The following SNX9 variants were observed in gnomAD, a reference collection of about 807,000 sequenced individuals.
SNX9 encodes sorting nexin 9.
SNX9 carries 44 observed loss-of-function variants against 89.4 expected under a neutral mutation model. The observed-to-expected ratio is 0.49, with a 90% confidence interval of 0.39 to 0.63. The LOEUF (loss-of-function observed/expected upper bound fraction) is 0.63. SNX9 is among the 30% of genes least tolerant of loss of function. SNX9 has a pLI of 0.00. For synonymous variants in SNX9, 236 were observed against 247.8 expected (o/e 0.95, Z 0.45); for missense variants, 578 against 736.1 (o/e 0.79, Z 2.49).
intron 9 of SNX9, among the ~76,000 whole-genome samples, chr6:157,917,405 G>A (rs1030623130): frequency 6.6e-6 from 1 of 151,720 alleles, no homozygotes; most frequent in African/African-American, 2.4e-5. Context: ...AGATATTTCC[G>A]CTATCACAGG....
chr6:157,921,071 G>C (rs1202789575), intron 9 of SNX9, among the ~76,000 whole-genome samples: 2 of 152,170 alleles, frequency 1.3e-5, no homozygotes, highest in East Asian at 3.8e-4. Context: ...TGATAATATG[G>C]AAATACCATG....
At chr6:157,915,640 A>AAAAAT (rs1472422303) in intron 9 of SNX9, among the ~76,000 whole-genome samples, 2 of 95,152 alleles carry the variant, frequency 2.1e-5, no homozygotes, top group African/African-American at 9.3e-5. Context: ...AAAAAAAAAA[A>AAAAAT]ATATATATAT....
intron 1 of SNX9, 98 bp from the exon 2 acceptor site, chr6:157,867,445 ATGTT>A: frequency 1.2e-6 from 1 of 864,336 alleles, no homozygotes; most frequent in South Asian, 1.9e-5. Context: ...AGCCACTATC[ATGTT>A]TGTACCAGCA....
chr6:157,844,245 G>C (rs1583195511), intron 1 of SNX9, among the ~76,000 whole-genome samples: 1 of 152,174 alleles, frequency 6.6e-6, no homozygotes, highest in African/African-American at 2.4e-5. Context: ...TTCATGCAGT[G>C]CAGGAGACCG....
At position 157,844,500 on chromosome 6, in the gene SNX9, T is replaced by C. The variant is rs374202176; in HGVS notation, c.12+21054T>C. On this transcript the variant is annotated intron_variant, in intron 1 of 17. Coordinates refer to ENST00000392185, the MANE Select transcript of SNX9 (RefSeq NM_016224.5). ...TGCAAAGTATCTCAAGCACTGATCT[T>C]AGGAGCAGTTTAGAGAGGATCAGAA... Among the ~76,000 whole-genome samples the C allele has an allele frequency of 7.3e-5, 11 of 151,628 alleles. 1 individual carries two copies. Among genetic ancestry groups the C allele is most frequent in the African/African-American group, 2.7e-4 (11 of 41,056 alleles).
chr6:157,917,581 A>G (rs921789302), intron 9 of SNX9, among the ~76,000 whole-genome samples: 3 of 152,122 alleles, frequency 2.0e-5, no homozygotes, highest in Admixed American at 6.6e-5. Context: ...CTCAGTATCT[A>G]TGGGAATTGG....
chr6:157,870,791 G>A (rs975330791), intron 2 of SNX9, among the ~76,000 whole-genome samples: 3 of 148,374 alleles, frequency 2.0e-5, no homozygotes, highest in African/African-American at 7.5e-5. Flanking sequence ...GCACTCACCC[G>A]TGCAAGCACA....
intron 1 of SNX9, among the ~76,000 whole-genome samples, chr6:157,844,588 TTTTTTTTTTTTG>T (rs957411604): frequency 6.8e-5 from 9 of 131,594 alleles, no homozygotes; most frequent in South Asian, 2.4e-4. Flanking sequence ...CTAATCCTTG[TTTTTTTTTTTTG>T]TTTTTTTTTT....
intron 17 of SNX9, among the ~76,000 whole-genome samples, chr6:157,941,475 C>T (rs1784034415): frequency 6.6e-6 from 1 of 152,196 alleles, no homozygotes; most frequent in African/African-American, 2.4e-5. Flanking sequence ...ATTCACAAAA[C>T]AATAACGAAA....
intron 13 of SNX9, chr6:157,934,225 C>G (rs1246359517): frequency 1.3e-5 from 2 of 152,076 alleles, no homozygotes; most frequent in Non-Finnish European, 2.9e-5. Context: ...TAGCATGGCC[C>G]CTGCACAAAA....
chr6:157,890,250 C>T (rs886482055), intron 4 of SNX9, among the ~76,000 whole-genome samples: 1 of 152,204 alleles, frequency 6.6e-6, no homozygotes, highest in Non-Finnish European at 1.5e-5. Flanking sequence ...CATGGGTGTG[C>T]GTGTCCGTCT....
intron 9 of SNX9, among the ~76,000 whole-genome samples, chr6:157,915,656 T>TACAC (rs1355484937): frequency 3.3e-5 from 4 of 120,126 alleles, no homozygotes; most frequent in Admixed American, 8.2e-5. Context: ...TATATATATA[T>TACAC]ACACACACAC....
intron 16 of SNX9, 62 bp downstream of exon 16, chr6:157,938,809 C>T: frequency 7.9e-7 from 1 of 1,273,604 alleles, no homozygotes. Flanking sequence ...GCAAAGTTTC[C>T]CTTGATAGAG....
chr6:157,878,431 AT>A lies in SNX9; in HGVS notation c.300+3271del, dbSNP rs1341249074. 2.0e-3 allele frequency among the ~76,000 whole-genome samples: 263 copies of A among 131,272 alleles called. 1 individual carries two copies. Among genetic ancestry groups the A allele is most frequent in the Middle Eastern group, 3.9e-3 (1 of 258 alleles). 86.1% of individuals were successfully genotyped at this position (131,272 alleles called of 152,430 possible). ...TGATCTTGGAATATGGAAGCCCACC[AT>A]TTTTTTTTTTTTTTTGAGACGGAGT... On this transcript the variant is annotated intron_variant, in intron 4 of 17. Coordinates refer to ENST00000392185, the MANE Select transcript of SNX9 (RefSeq NM_016224.5).
intron 4 of SNX9, among the ~76,000 whole-genome samples, chr6:157,890,988 A>G (rs2115157705): frequency 6.8e-6 from 1 of 147,782 alleles, no homozygotes; most frequent in East Asian, 2.0e-4. Flanking sequence ...TTTTAAGGGT[A>G]CTCATAGTGT....
chr6:157,942,759 C>G, intron 17 of SNX9, 32 bp from the exon 18 acceptor site: 2 of 1,612,062 alleles, frequency 1.2e-6, no homozygotes, highest in Non-Finnish European at 1.7e-6. Flanking sequence ...GGAGTGATAT[C>G]TCAACGTTGT....
In SNX9 at chr6:157,920,490, C is replaced by T. The variant is rs140858172; in HGVS notation, c.950-1041C>T. ...CCTAGTGGTACCACCATGTCGAACACGTGGGGTGGGTGGCACACAGGCAGC... is the reference window on the plus strand; with the variant it reads ...CCTAGTGGTACCACCATGTCGAACATGTGGGGTGGGTGGCACACAGGCAGC... On this transcript the variant is annotated intron_variant, in intron 9 of 17. Transcript: ENST00000392185. Among the ~76,000 whole-genome samples the T allele has an allele frequency of 3.1e-3, 475 of 152,308 alleles. 2 individuals are homozygous for T. Among genetic ancestry groups the T allele is most frequent in the Middle Eastern group, 6.8e-3 (2 of 294 alleles).
intron 1 of SNX9, among the ~76,000 whole-genome samples, chr6:157,858,238 T>A (rs1172699511): frequency 6.8e-6 from 1 of 147,662 alleles, no homozygotes; most frequent in African/African-American, 2.6e-5. Context: ...GTCTTTTTTC[T>A]TTTTCTTTTT....
chr6:157,868,448 C>A (rs1480276917), intron 2 of SNX9, among the ~76,000 whole-genome samples: 1 of 152,178 alleles, frequency 6.6e-6, no homozygotes, highest in Admixed American at 6.5e-5. Context: ...ATCTCAGGTT[C>A]TTTCTCCTGG....
Sources: allele counts gnomAD v4.1 joint callset (sites outside exome capture counted in the v4.1 genomes callset), GRCh38; gene constraint gnomAD v4.1.1; transcripts MANE v1.5; gene names NCBI Gene and HGNC (gene_info 2026-07-23, HGNC 2026-07-21).